The following DIS3L2 variants were observed in gnomAD, a reference collection of about 807,000 sequenced individuals.
DIS3L2 encodes DIS3-like exonuclease 2.
A neutral mutation model predicts 97.5 loss-of-function variants in DIS3L2; 34 were observed. The ratio of observed to expected loss-of-function variants is 0.35; its 90% CI spans 0.27 to 0.46. DIS3L2 has a LOEUF of 0.46. Ranked by LOEUF, DIS3L2 falls within the 20% of genes least tolerant of loss-of-function variation. DIS3L2 has a pLI of 1.00. For missense variants in DIS3L2, 1,038 were observed against 1,146.0 expected (o/e 0.91, Z 1.36); for synonymous variants, 435 against 445.2 (o/e 0.98, Z 0.29).
intron 9 of DIS3L2, among the ~76,000 whole-genome samples, chr2:232,173,333 C>T (rs1211527900): frequency 3.3e-5 from 5 of 152,226 alleles, no homozygotes; most frequent in African/African-American, 4.8e-5. Context: ...CTGGTTCAAG[C>T]GATTCTCCTG....
At chr2:232,315,784 C>G (rs1434471200) in intron 14 of DIS3L2, among the ~76,000 whole-genome samples, 3 of 152,198 alleles carry the variant, frequency 2.0e-5, no homozygotes, top group African/African-American at 7.2e-5. Flanking sequence ...AGCTCATGCC[C>G]ACTGAATTAA....
At chr2:231,970,202 C>T (rs186323763) in intron 1 of DIS3L2, among the ~76,000 whole-genome samples, 2 of 152,138 alleles carry the variant, frequency 1.3e-5, no homozygotes, top group African/African-American at 4.8e-5. Flanking sequence ...CCCACTGTCA[C>T]CTCTTAAAGT....
Position 232,329,802 on chromosome 2 carries a change from A to ACCCCCC in DIS3L2, c.1740-8_1740-7insCCCCCC. 6.1e-6 allele frequency: 1 copy of ACCCCCC among 164,730 alleles called. No individual in the cohort carries two copies. Among genetic ancestry groups the ACCCCCC allele is most frequent in the Non-Finnish European group, 1.1e-5 (1 of 91,858 alleles). The allele number at this position is 164,730 out of a possible 1,614,324, so 10.2% of individuals were successfully genotyped here. A position where few individuals can be genotyped will look rare whatever the true frequency, so the allele number is the denominator to read the frequency against. On this transcript the variant is annotated splice_polypyrimidine_tract_variant and intron_variant, in intron 14 of 20. Coordinates refer to ENST00000325385, the MANE Select transcript of DIS3L2 (RefSeq NM_152383.5). ...CCCAGCGGTCCCTCCCATCCCACCC[A>ACCCCCC]CCCTCTGCAGGCTCGTGGAGGAGTT...
chr2:232,078,683 A>G (rs1278467368), intron 5 of DIS3L2, among the ~76,000 whole-genome samples: 3 of 152,228 alleles, frequency 2.0e-5, no homozygotes, highest in Non-Finnish European at 4.4e-5. Context: ...GTACTTAATT[A>G]TGCAAGTTTC....
rs542854939 is a variant in DIS3L2, at chr2:231,966,351, G to A, written c.-94+4586G>A. ...GCCTGGCTAATTTTTTGTATTTTAAGTAGAGACGGGGTTTCACCATGTTGG... is the reference window on the plus strand; with the variant it reads ...GCCTGGCTAATTTTTTGTATTTTAAATAGAGACGGGGTTTCACCATGTTGG... On this transcript the variant is annotated intron_variant, in intron 1 of 20. Transcript: ENST00000325385. 3.3e-5 allele frequency among the ~76,000 whole-genome samples: 5 copies of A among 151,986 alleles called. No individual in the cohort carries two copies. The East Asian group carries it at 7.8e-4, about 24-fold the overall frequency.
At chr2:232,034,648 A>G (rs2106245020) in intron 5 of DIS3L2, among the ~76,000 whole-genome samples, 1 of 152,348 alleles carries the variant, frequency 6.6e-6, no homozygotes, top group African/African-American at 2.4e-5. Flanking sequence ...GCTGTATCCC[A>G]GAGATTCTGG....
chr2:232,190,848 GGT>G (rs1460922965), intron 9 of DIS3L2, among the ~76,000 whole-genome samples: 1 of 152,112 alleles, frequency 6.6e-6, no homozygotes, highest in Non-Finnish European at 1.5e-5. Flanking sequence ...CTTAGGAAAA[GGT>G]GGTGTTGGGG....
At chr2:232,100,192 A>ATT (rs10594218) in intron 6 of DIS3L2, among the ~76,000 whole-genome samples, 62 of 112,476 alleles carry the variant, frequency 5.5e-4, no homozygotes, top group Non-Finnish European at 5.5e-4. Flanking sequence ...CCCTGCTAAT[A>ATT]TTTTTTTTTT....
chr2:232,209,212 C>T (rs1011892981), intron 9 of DIS3L2, among the ~76,000 whole-genome samples: 27 of 151,892 alleles, frequency 1.8e-4, no homozygotes, highest in African/African-American at 5.8e-4. Flanking sequence ...AGTTAAGAGT[C>T]GGATAGAGAA....
At chr2:232,339,969 C>T (rs149416565), downstream of DIS3L2, among the ~76,000 whole-genome samples, 753 of 152,220 alleles carry the variant, frequency 4.9e-3, 4 homozygotes, top group African/African-American at 0.016. Context: ...ATGGAGAGAG[C>T]AGGGTACACT....
chr2:232,112,037 C>A (rs1393780275), intron 6 of DIS3L2, among the ~76,000 whole-genome samples: 1 of 152,198 alleles, frequency 6.6e-6, no homozygotes, highest in Non-Finnish European at 1.5e-5. Flanking sequence ...GTTGAATTTT[C>A]TGTCATTTCA....
chr2:232,329,786 C>CCCCGGGGGGA, intron 14 of DIS3L2, 27 bp from the exon 15 acceptor site: 4 of 430,232 alleles, frequency 9.3e-6, no homozygotes, highest in Non-Finnish European at 1.7e-5. Context: ...CCCCAGCGGT[C>CCCCGGGGGGA]CCTCCCATCC....
intron 14 of DIS3L2, among the ~76,000 whole-genome samples, chr2:232,306,224 G>A (rs1370404687): frequency 1.3e-5 from 2 of 152,208 alleles, no homozygotes; most frequent in Non-Finnish European, 2.9e-5. Flanking sequence ...TGCCACATAC[G>A]GCCATTCCTC....
chr2:232,222,698 C>G (rs1158276232), intron 10 of DIS3L2, among the ~76,000 whole-genome samples: 1 of 152,148 alleles, frequency 6.6e-6, no homozygotes, highest in Non-Finnish European at 1.5e-5. Flanking sequence ...AACTTCTGAC[C>G]TCAGGTGATC....
At chr2:232,304,151 G>A (rs1575006085) in intron 14 of DIS3L2, among the ~76,000 whole-genome samples, 2 of 151,704 alleles carry the variant, frequency 1.3e-5, no homozygotes, top group African/African-American at 4.8e-5. Flanking sequence ...TGGGTCTACG[G>A]GTGGTGACTG....
At chr2:232,335,674 A>AGGGCTGAGGGCCGC (rs1695920165) in intron 19 of DIS3L2, 99 bp from the exon 20 acceptor site, 1 of 1,370,656 alleles carries the variant, frequency 7.3e-7, no homozygotes, top group East Asian at 2.5e-5. Context: ...GCCAGGGCCG[A>AGGGCTGAGGGCCGC]GGGCTGAGGG....
intron 8 of DIS3L2, among the ~76,000 whole-genome samples, chr2:232,155,145 G>T (rs575702355): frequency 6.6e-6 from 1 of 151,302 alleles, no homozygotes; most frequent in South Asian, 2.1e-4. Context: ...AGATGGAAAT[G>T]CAGAAATCAC....
chr2:232,059,267 T>A (rs904227092), intron 5 of DIS3L2, among the ~76,000 whole-genome samples: 23 of 152,180 alleles, frequency 1.5e-4, no homozygotes, highest in Non-Finnish European at 2.6e-4. Context: ...AGGGAAAAGA[T>A]GAAAGCTTTT....
chr2:231,966,641 A>ATTTTTTTTTTTTTTTTTTTTT (rs36151054), intron 1 of DIS3L2, among the ~76,000 whole-genome samples: 1 of 50,358 alleles, frequency 2.0e-5, no homozygotes, highest in Non-Finnish European at 3.6e-5. Flanking sequence ...GTTAAAAAAC[A>ATTTTTTTTTTTTTTTTTTTTT]TTTTTTTTTT....
Sources: allele counts gnomAD v4.1 joint callset (sites outside exome capture counted in the v4.1 genomes callset), GRCh38; gene constraint gnomAD v4.1.1; transcripts MANE v1.5; gene names NCBI Gene and HGNC (gene_info 2026-07-23, HGNC 2026-07-21).